The following FNDC3B variants were observed in gnomAD, a reference collection of about 807,000 sequenced individuals.
The protein encoded by FNDC3B is fibronectin type III domain containing 3B.
Under a neutral mutation model 151.5 loss-of-function variants are expected in FNDC3B, and 12 were observed. The observed-to-expected ratio is 0.08, with a 90% confidence interval of 0.05 to 0.13. The LOEUF (loss-of-function observed/expected upper bound fraction) is 0.13. FNDC3B is among the 10% of genes least tolerant of loss of function. FNDC3B has a pLI of 1.00. For missense variants in FNDC3B, 1,214 were observed against 1,505.3 expected, an observed-to-expected ratio of 0.81 and a Z score of 3.20; for synonymous variants, 528 against 549.0, an observed-to-expected ratio of 0.96 and a Z score of 0.54.
At chr3:172,357,127 C>G (rs1248600856) in intron 22 of FNDC3B, among the ~76,000 whole-genome samples, 2 of 152,208 alleles carry the variant, frequency 1.3e-5, no homozygotes, top group East Asian at 3.9e-4. Context: ...GATTTTTAAT[C>G]AAAATTTATA....
At chr3:172,149,113 T>C (rs902704258) in intron 3 of FNDC3B, among the ~76,000 whole-genome samples, 1 of 152,222 alleles carries the variant, frequency 6.6e-6, no homozygotes, top group Non-Finnish European at 1.5e-5. Flanking sequence ...CTGGCCTCTT[T>C]AAATTTGTTT....
In FNDC3B at chr3:172,228,046, C is replaced by CT. The variant is rs538680257; in HGVS notation, c.264+1107dup. 3.3e-5 allele frequency among the ~76,000 whole-genome samples: 5 copies of CT among 151,962 alleles called. No individual in the cohort carries two copies. The East Asian group carries it at 7.7e-4, about 23-fold the overall frequency. ...CACTATAATTTCATTTTTTTCCATC[C>CT]TTTTTTTTATGTGAGCCAATTGGAC... On this transcript the variant is annotated intron_variant, in intron 4 of 25. Coordinates refer to ENST00000415807, the MANE Select transcript of FNDC3B (RefSeq NM_022763.4).
intron 10 of FNDC3B, 79 bp downstream of exon 10, chr3:172,307,580 C>A (rs934376402): frequency 1.4e-6 from 2 of 1,433,524 alleles, no homozygotes; most frequent in Non-Finnish European, 1.9e-6. Context: ...CTAGTCCCAG[C>A]TACCTGGGAG....
At chr3:172,284,707 G>A (rs531124003) in intron 6 of FNDC3B, among the ~76,000 whole-genome samples, 2 of 149,018 alleles carry the variant, frequency 1.3e-5, no homozygotes, top group African/African-American at 5.0e-5. Flanking sequence ...GCTAAATGCT[G>A]GTTCCTGGAA....
chr3:172,249,803 C>T (rs1378183423), intron 5 of FNDC3B, among the ~76,000 whole-genome samples: 1 of 152,118 alleles, frequency 6.6e-6, no homozygotes, highest in Non-Finnish European at 1.5e-5. Flanking sequence ...TGTTTTTTAA[C>T]AAAACAACTC....
At chr3:172,160,718 G>T (rs897681370) in intron 3 of FNDC3B, among the ~76,000 whole-genome samples, 1 of 152,134 alleles carries the variant, frequency 6.6e-6, no homozygotes, top group African/African-American at 2.4e-5. Context: ...AACTTTTATT[G>T]TTATAATATT....
intron 4 of FNDC3B, among the ~76,000 whole-genome samples, chr3:172,230,264 A>G (rs907856953): frequency 2.0e-5 from 3 of 151,944 alleles, no homozygotes; most frequent in Non-Finnish European, 2.9e-5. Context: ...AGGCCGAGGC[A>G]GGTGGATCAT....
At chr3:172,174,149 CT>C (rs1485520916) in intron 3 of FNDC3B, among the ~76,000 whole-genome samples, 1 of 152,154 alleles carries the variant, frequency 6.6e-6, no homozygotes, top group Non-Finnish European at 1.5e-5. Flanking sequence ...CTCTCATTCT[CT>C]TTTACCAAAG....
chr3:172,050,185 G>C (rs550217486), intron 1 of FNDC3B, among the ~76,000 whole-genome samples: 22 of 152,148 alleles, frequency 1.4e-4, no homozygotes, highest in African/African-American at 5.3e-4. Context: ...CTAAACGTCG[G>C]ATGAAAAGTA....
At chr3:172,336,271 G>T (rs564589329) in intron 15 of FNDC3B, among the ~76,000 whole-genome samples, 1 of 152,172 alleles carries the variant, frequency 6.6e-6, no homozygotes, top group South Asian at 2.1e-4. Flanking sequence ...TGATAATAAG[G>T]GTACATTCTT....
At chr3:172,174,942 C>CA (rs1553769239) in intron 3 of FNDC3B, among the ~76,000 whole-genome samples, 1 of 66,384 alleles carries the variant, frequency 1.5e-5, no homozygotes, top group Non-Finnish European at 4.0e-5. Flanking sequence ...CACCCCCCCC[C>CA]CCCCAATACA....
chr3:172,328,683 T>G (rs1576915630), intron 11 of FNDC3B, among the ~76,000 whole-genome samples: 1 of 152,122 alleles, frequency 6.6e-6, no homozygotes, highest in South Asian at 2.1e-4. Flanking sequence ...TTTTTTTATT[T>G]TATTAACCAA....
chr3:172,253,804 G>T (rs1470747913), intron 6 of FNDC3B, among the ~76,000 whole-genome samples: 1 of 151,468 alleles, frequency 6.6e-6, no homozygotes, highest in Non-Finnish European at 1.5e-5. Context: ...TTTTGAGATG[G>T]AGTCTTGCCC....
At chr3:172,168,874 G>A (rs1386603288) in intron 3 of FNDC3B, among the ~76,000 whole-genome samples, 1 of 151,144 alleles carries the variant, frequency 6.6e-6, no homozygotes, top group East Asian at 1.9e-4. Flanking sequence ...ACCACTCCCG[G>A]CTAATTTTTG....
At chr3:172,321,646 T>C in intron 11 of FNDC3B, 1 of 187,164 alleles carries the variant, frequency 5.3e-6, no homozygotes. Context: ...GTGCAAGCAA[T>C]TCTCCTGCCT....
At chr3:172,227,621 A>G (rs931448433) in intron 4 of FNDC3B, among the ~76,000 whole-genome samples, 1 of 152,208 alleles carries the variant, frequency 6.6e-6, no homozygotes, top group Non-Finnish European at 1.5e-5. Flanking sequence ...TTTTTGTCCT[A>G]GCCTCAGCAC....
At position 172,298,781 on chromosome 3, in the gene FNDC3B, A is replaced by G. The variant is rs928644640; in HGVS notation, c.1055A>G (p.His352Arg). 7 of 1,607,098 alleles carry G rather than the reference A, an allele frequency of 4.4e-6. No homozygotes were observed. The Admixed American group carries it at 1.0e-4, about 23-fold the overall frequency. Residue 352 changes from histidine (H) to arginine (R), a missense_variant, in exon 9 of 26, where the codon CAT (histidine) becomes CGT (arginine). This residue lies in a region of FNDC3B where 156 missense variants were observed against 225.3 expected (regional missense o/e 0.69). Transcript: ENST00000415807. ...GATCTTAGACCAGCAACAGATTATCATGTGAGGTGAGTTAGGATATAAGAG... is the reference window on the plus strand; with the variant it reads ...GATCTTAGACCAGCAACAGATTATCGTGTGAGGTGAGTTAGGATATAAGAG... Reference protein sequence around the residue: ...LKDLRPATDYHVRVYAMYNSV... With the variant: ...LKDLRPATDYRVRVYAMYNSV...
intron 21 of FNDC3B, among the ~76,000 whole-genome samples, chr3:172,351,762 AG>A (rs2108323518): frequency 6.6e-6 from 1 of 152,272 alleles, no homozygotes; most frequent in South Asian, 2.1e-4. Context: ...AGAGGAAGAA[AG>A]GTGTCCAGAG....
chr3:172,326,419 T>A (rs558227507), intron 11 of FNDC3B, among the ~76,000 whole-genome samples: 2 of 152,208 alleles, frequency 1.3e-5, no homozygotes, highest in Non-Finnish European at 2.9e-5. Flanking sequence ...CTGGAAGTTG[T>A]TATGATAGAA....
Sources: gnomAD v4.1 joint callset for allele counts (sites outside exome capture counted in the v4.1 genomes callset) on GRCh38, gnomAD v4.1.1 for gene constraint, gnomAD v4.1.1 regional missense constraint, MANE v1.5 for transcripts, NCBI Gene and HGNC (gene_info 2026-07-23, HGNC 2026-07-21) for gene names.